The following UIMC1 variants were observed in gnomAD, a reference collection of about 807,000 sequenced individuals.
UIMC1 encodes the protein ubiquitin interaction motif containing 1, also known as BRCA1-A complex subunit RAP80.
In UIMC1, 42 loss-of-function variants were observed where a neutral mutation model predicts 84.9. The observed-to-expected ratio is 0.49, with a 90% CI of 0.39 to 0.64. The LOEUF (loss-of-function observed/expected upper bound fraction) is 0.64. Ranked by LOEUF, UIMC1 falls within the 30% of genes least tolerant of loss-of-function variation. The pLI is 0.00. For synonymous variants in UIMC1, 281 were observed against 293.0 expected, an observed-to-expected ratio of 0.96 and a Z score of 0.42; for missense variants, 825 against 847.6, an observed-to-expected ratio of 0.97 and a Z score of 0.33.
chr5:176,939,030 C>T (rs551251719), intron 10 of UIMC1, among the ~76,000 whole-genome samples: 3 of 151,248 alleles, frequency 2.0e-5, no homozygotes, highest in Non-Finnish European at 4.4e-5. Flanking sequence ...AGGCGGGATG[C>T]CTGCTTGGGC....
rs1759723038 is a variant in UIMC1 at position 176,908,652 on chromosome 5, T to G, written c.1719A>C (p.Arg573Ser). 1.9e-6 allele frequency: 3 copies of G among 1,614,042 alleles called. No homozygotes were observed. The highest frequency in any genetic ancestry group is 2.5e-6 in the Non-Finnish European group (3 of 1,179,994). The change falls in exon 12 of 15, where the codon AGA becomes AGC. Residue 573 changes from arginine to serine, a missense_variant. Coordinates refer to ENST00000511320, the MANE Select transcript of UIMC1 (RefSeq NM_001199298.2). The part of the protein sequence containing the change: ...CYLCKSLVPF[R>S]EYQCHVDSCL... ...AGGAGTCCACATGACACTGATACTC[T>G]CTAAATGGGACCAGGGATTTACAGA...
At chr5:177,011,836 T>C (rs1208609721) in intron 1 of UIMC1, among the ~76,000 whole-genome samples, 2 of 151,852 alleles carry the variant, frequency 1.3e-5, no homozygotes, top group East Asian at 1.9e-4. Context: ...AATCTCGCTC[T>C]GTTGCCCAGG....
At chr5:176,931,143 G>A (rs1337550796) in intron 10 of UIMC1, among the ~76,000 whole-genome samples, 1 of 152,112 alleles carries the variant, frequency 6.6e-6, no homozygotes, top group African/African-American at 2.4e-5. Flanking sequence ...GTAAAATGGA[G>A]ATAACAAAAA....
intron 6 of UIMC1, among the ~76,000 whole-genome samples, chr5:176,964,569 A>C (rs192982009): frequency 1.3e-5 from 2 of 152,372 alleles, no homozygotes; most frequent in Non-Finnish European, 2.9e-5. Context: ...TAAATTCATA[A>C]ACTGGAATAT....
chr5:176,942,745 TAAAAAAAAAAA>T (rs1044619072), intron 10 of UIMC1, among the ~76,000 whole-genome samples: 2 of 76,142 alleles, frequency 2.6e-5, no homozygotes, highest in Non-Finnish European at 5.2e-5. Context: ...GACTCCGTCT[TAAAAAAAAAAA>T]AAAAAAAAAA....
At chr5:176,912,676 T>A (rs145544001) in intron 10 of UIMC1, among the ~76,000 whole-genome samples, 3,675 of 151,528 alleles carry the variant, frequency 0.024, 58 homozygotes, top group Non-Finnish European at 0.036. Context: ...TTATTTATTT[T>A]TTTTTTTGAG....
intron 1 of UIMC1, among the ~76,000 whole-genome samples, chr5:177,005,794 A>T (rs903603199): frequency 6.6e-6 from 1 of 152,016 alleles, no homozygotes; most frequent in Non-Finnish European, 1.5e-5. Flanking sequence ...CGATGTAGTG[A>T]TTAAATGAAA....
At chr5:176,979,000 G>C (rs995106416) in intron 2 of UIMC1, among the ~76,000 whole-genome samples, 8 of 152,128 alleles carry the variant, frequency 5.3e-5, no homozygotes, top group South Asian at 2.1e-4. Flanking sequence ...TAGAGAGTAA[G>C]AGAAAAAATG....
At chr5:176,948,816 T>C (rs139531081) in intron 9 of UIMC1, among the ~76,000 whole-genome samples, 1,635 of 152,270 alleles carry the variant, frequency 0.011, 10 homozygotes, top group South Asian at 0.025. Context: ...CTACACCATA[T>C]CACCTTCCAG....
At chr5:176,984,383 G>A (rs1206569286) in intron 1 of UIMC1, among the ~76,000 whole-genome samples, 2 of 137,802 alleles carry the variant, frequency 1.5e-5, no homozygotes, top group African/African-American at 2.7e-5. Flanking sequence ...CCCCGTCTGG[G>A]AAGTGAGGAG....
chr5:176,920,204 T>C (rs1444000029), intron 10 of UIMC1, among the ~76,000 whole-genome samples: 6 of 152,096 alleles, frequency 3.9e-5, no homozygotes, highest in Admixed American at 2.6e-4. Context: ...TTTTTTGTAT[T>C]TTTAGTAGAG....
chr5:176,981,646 C>T (rs1166271230), intron 2 of UIMC1, among the ~76,000 whole-genome samples: 1 of 151,712 alleles, frequency 6.6e-6, no homozygotes, highest in East Asian at 1.9e-4. Flanking sequence ...AAAAAAAATA[C>T]AAAAATTAGC....
intron 3 of UIMC1, among the ~76,000 whole-genome samples, 194 bp downstream of exon 3, chr5:176,975,202 C>A (rs971753026): frequency 6.6e-6 from 1 of 152,044 alleles, no homozygotes; most frequent in Non-Finnish European, 1.5e-5. Flanking sequence ...CTTCTGGCTT[C>A]CACTGAAGAT....
chr5:176,923,902 C>CAG (rs1561745321), intron 10 of UIMC1, among the ~76,000 whole-genome samples: 19 of 95,412 alleles, frequency 2.0e-4, no homozygotes, highest in African/African-American at 5.8e-4. Context: ...CACACACAGA[C>CAG]ACACACACAC....
intron 1 of UIMC1, among the ~76,000 whole-genome samples, chr5:177,000,804 T>A (rs942294833): frequency 1.3e-5 from 2 of 152,154 alleles, no homozygotes; most frequent in Admixed American, 6.6e-5. Flanking sequence ...CCAGCCTGCA[T>A]GTCTTCTTTG....
intron 3 of UIMC1, among the ~76,000 whole-genome samples, chr5:176,974,971 C>T (rs1769835732): frequency 6.6e-6 from 1 of 151,706 alleles, no homozygotes; most frequent in African/African-American, 2.4e-5. Flanking sequence ...CTGGACAGCA[C>T]AGCAGGACCC....
chr5:176,996,833 T>C (rs1323045778), intron 1 of UIMC1, among the ~76,000 whole-genome samples: 1 of 152,154 alleles, frequency 6.6e-6, no homozygotes, highest in Middle Eastern at 3.2e-3. Flanking sequence ...CATTGGGTCT[T>C]ACCTGAGACA....
chr5:176,984,999 T>C (rs575525346), intron 1 of UIMC1, among the ~76,000 whole-genome samples: 3 of 152,220 alleles, frequency 2.0e-5, no homozygotes, highest in East Asian at 3.9e-4. Flanking sequence ...GAGACCTTTG[T>C]TCATGTGTTT....
intron 2 of UIMC1, among the ~76,000 whole-genome samples, chr5:176,979,303 A>G (rs1232662019): frequency 3.9e-5 from 6 of 152,166 alleles, no homozygotes; most frequent in Non-Finnish European, 8.8e-5. Context: ...GGAAGATAGA[A>G]TACATAGTCG....
Sources: allele counts gnomAD v4.1 joint callset (sites outside exome capture counted in the v4.1 genomes callset), GRCh38; gene constraint gnomAD v4.1.1; transcripts MANE v1.5; gene names NCBI Gene and HGNC (gene_info 2026-07-23, HGNC 2026-07-21).